Variants in BRINP2 observed in about 807,000 individuals in gnomAD.
BRINP2 encodes the protein BMP/retinoic acid-inducible neural-specific protein 2.
A neutral mutation model predicts 69.2 loss-of-function variants in BRINP2; 21 were observed. That is an observed-to-expected ratio of 0.30 (90% CI 0.22 to 0.44). BRINP2 has a LOEUF of 0.44. Among genes scored for constraint, BRINP2 ranks in the 20% least tolerant of loss-of-function variants. The probability of loss-of-function intolerance (pLI) is 1.00; values close to 1 mark genes in which losing one functional copy is unlikely to be tolerated. For missense variants in BRINP2, 877 were observed against 986.0 expected (o/e 0.89, Z 1.48); for synonymous variants, 380 against 394.1 (o/e 0.96, Z 0.42).
chr1:177,172,151 G>A (rs1647953421), intron 1 of BRINP2, among the ~76,000 whole-genome samples: 2 of 152,242 alleles, frequency 1.3e-5, no homozygotes, highest in African/African-American at 4.8e-5. Context: ...AGCCCAAAGA[G>A]CTGAGGTTAC....
chr1:177,201,934 T>G (rs1396090786), intron 1 of BRINP2, among the ~76,000 whole-genome samples: 1 of 152,048 alleles, frequency 6.6e-6, no homozygotes, highest in Non-Finnish European at 1.5e-5. Context: ...CTTGGGAGAG[T>G]GTATGTGTCG....
intron 2 of BRINP2, among the ~76,000 whole-genome samples, chr1:177,236,396 T>TA (rs1650023340): frequency 1.3e-5 from 2 of 152,136 alleles, no homozygotes; most frequent in Admixed American, 1.3e-4. Context: ...AATAACTGAA[T>TA]AAAAAAGCAT....
intron 1 of BRINP2, among the ~76,000 whole-genome samples, chr1:177,218,320 TCAAGC>T (rs1649435110): frequency 6.6e-6 from 1 of 152,034 alleles, no homozygotes; most frequent in African/African-American, 2.4e-5. Context: ...ATCTAGAGAC[TCAAGC>T]CATGTAACCC....
At chr1:177,228,934 A>G (rs1649781704) in intron 1 of BRINP2, among the ~76,000 whole-genome samples, 1 of 152,216 alleles carries the variant, frequency 6.6e-6, no homozygotes, top group Admixed American at 6.5e-5. Context: ...AGGGCAGGGC[A>G]GGCACTCATT....
intron 6 of BRINP2, 37 bp from the exon 7 acceptor site, chr1:177,278,526 C>T (rs1220306755): frequency 5.0e-6 from 8 of 1,600,472 alleles, no homozygotes; most frequent in African/African-American, 1.3e-5. Flanking sequence ...TTCTGCATAG[C>T]TACCCGTCAG....
At chr1:177,206,807 T>C (rs577536871) in intron 1 of BRINP2, among the ~76,000 whole-genome samples, 1 of 152,238 alleles carries the variant, frequency 6.6e-6, no homozygotes, top group Admixed American at 6.5e-5. Flanking sequence ...GACAGAAGTA[T>C]TTTGTGGGTG....
At position 177,229,977 on chromosome 1, in the gene BRINP2, T is replaced by C. The variant is rs751744392; in HGVS notation, c.101T>C (p.Val34Ala). ...GGCCTGCCTGGCTGGGTGTTGGCTG[T>C]CTCAGCCACGGCGGCTGCTGTGGTC... is the stretch of plus-strand genomic sequence containing the variant. ...ALGLPGWVLA[V>A]SATAAAVVPE... The change falls in exon 2 of 8, where the codon GTC becomes GCC. Residue 34 changes from valine (V) to alanine (A), a missense_variant. Around this residue, in one of 3 missense-constraint regions of BRINP2, gnomAD observed 566 missense variants for 625.2 expected, o/e 0.91. Coordinates refer to ENST00000361539, the MANE Select transcript of BRINP2 (RefSeq NM_021165.4). 1.2e-6 allele frequency: 2 copies of C among 1,613,420 alleles called. No individual in the cohort carries two copies. Among genetic ancestry groups the C allele is most frequent in the Non-Finnish European group, 1.7e-6 (2 of 1,179,884 alleles).
At chr1:177,234,417 C>A (rs1649953993) in intron 2 of BRINP2, among the ~76,000 whole-genome samples, 1 of 152,200 alleles carries the variant, frequency 6.6e-6, no homozygotes, top group Non-Finnish European at 1.5e-5. Context: ...TGAGCTGATG[C>A]AAATGTAAAT....
At chr1:177,230,450 C>T (rs1197571527) in intron 2 of BRINP2, among the ~76,000 whole-genome samples, 1 of 152,310 alleles carries the variant, frequency 6.6e-6, no homozygotes, top group Middle Eastern at 3.4e-3. Context: ...ATGGAGTCAG[C>T]GTGTGGCCCA....
intron 1 of BRINP2, among the ~76,000 whole-genome samples, chr1:177,201,380 T>C (rs1228842542): frequency 1.3e-5 from 2 of 152,182 alleles, no homozygotes; most frequent in African/African-American, 4.8e-5. Context: ...AAAGGACTAT[T>C]TCTTTAATAA....
chr1:177,180,755 A>C (rs902888315), intron 1 of BRINP2, among the ~76,000 whole-genome samples: 10 of 152,182 alleles, frequency 6.6e-5, no homozygotes, highest in East Asian at 1.9e-4. Context: ...AGTATTCAAA[A>C]CACATTGAAG....
In BRINP2 at chr1:177,278,450, T is replaced by C. The variant is rs1326089827; in HGVS notation, c.1013-113T>C. Reference sequence around the variant, plus strand: ...CACCCAGGGAAATGGGTGTGCAGCCTCCTTTCTCATGCAGTAACTTTGAAG... The same window carrying C: ...CACCCAGGGAAATGGGTGTGCAGCCCCCTTTCTCATGCAGTAACTTTGAAG... On this transcript the variant is annotated intron_variant, in intron 6 of 7. Coordinates refer to ENST00000361539, the MANE Select transcript of BRINP2 (RefSeq NM_021165.4). 11 of 941,906 alleles carry C rather than the reference T, an allele frequency of 1.2e-5. No individual in the cohort carries two copies. In the East Asian group the frequency reaches 2.2e-4, roughly 19 times the overall value. The allele number at this position is 941,906 out of a possible 1,614,324, so 58.3% of individuals were successfully genotyped here.
intron 1 of BRINP2, among the ~76,000 whole-genome samples, chr1:177,178,907 C>T (rs953928266): frequency 6.4e-4 from 97 of 152,126 alleles, no homozygotes; most frequent in African/African-American, 2.2e-3. Context: ...TGGACATTGC[C>T]GATAATAGCT....
intron 1 of BRINP2, among the ~76,000 whole-genome samples, chr1:177,181,262 GC>G (rs1175519460): frequency 6.6e-6 from 1 of 152,178 alleles, no homozygotes; most frequent in East Asian, 1.9e-4. Context: ...AAAGTTTCGT[GC>G]TTTTTCCCAA....
intron 1 of BRINP2, among the ~76,000 whole-genome samples, chr1:177,207,592 A>G (rs1649104186): frequency 1.3e-5 from 2 of 152,170 alleles, no homozygotes; most frequent in South Asian, 4.1e-4. Flanking sequence ...CATTAGTCGC[A>G]TATGTAAGTC....
intron 1 of BRINP2, among the ~76,000 whole-genome samples, chr1:177,203,684 AC>A (rs1648987912): frequency 6.6e-6 from 1 of 152,168 alleles, no homozygotes; most frequent in Admixed American, 6.6e-5. Flanking sequence ...GATTTAAGGA[AC>A]ATTTTTGAGT....
At chr1:177,241,708 T>C (rs1043022604) in intron 2 of BRINP2, among the ~76,000 whole-genome samples, 21 of 152,234 alleles carry the variant, frequency 1.4e-4, no homozygotes, top group African/African-American at 4.6e-4. Context: ...CATGGATCAA[T>C]ATCAGTTTTT....
At chr1:177,259,488 G>T (rs1172771856) in intron 4 of BRINP2, among the ~76,000 whole-genome samples, 5 of 152,202 alleles carry the variant, frequency 3.3e-5, no homozygotes, top group Non-Finnish European at 7.3e-5. Flanking sequence ...CTAAACAACA[G>T]ATTTTCAGTG....
intron 2 of BRINP2, among the ~76,000 whole-genome samples, chr1:177,237,869 A>G (rs1032258285): frequency 1.5e-4 from 23 of 152,136 alleles, no homozygotes; most frequent in African/African-American, 5.6e-4. Context: ...GTCGAGTCAT[A>G]TGGTCTTTTT....
Sources: allele counts gnomAD v4.1 joint callset (sites outside exome capture counted in the v4.1 genomes callset), GRCh38; gene constraint gnomAD v4.1.1; regional missense constraint gnomAD v4.1.1; transcripts MANE v1.5; gene names NCBI Gene and HGNC (gene_info 2026-07-23, HGNC 2026-07-21).